The following ABCG2 variants were observed in gnomAD, a reference collection of about 807,000 sequenced individuals.
ABCG2 encodes ATP binding cassette subfamily G member 2 (JR blood group), also known as broad substrate specificity ATP-binding cassette transporter ABCG2.
Under a neutral mutation model 73.5 loss-of-function variants are expected in ABCG2, and 80 were observed. The observed-to-expected ratio is 1.09, with a 90% confidence interval of 0.91 to 1.31. ABCG2 has a LOEUF of 1.31. Ranked by LOEUF, ABCG2 falls within the 50% of genes most tolerant of loss-of-function variation. The pLI is 0.00. For missense variants in ABCG2, 796 were observed against 786.2 expected (o/e 1.01, Z -0.15); for synonymous variants, 269 against 282.4 (o/e 0.95, Z 0.48).
In ABCG2 at chr4:88,143,781, G is replaced by A. The variant is rs112597917; in HGVS notation, c.-19-3767C>T. On this transcript the variant is annotated intron_variant, in intron 1 of 15. Transcript: ENST00000237612. ...AAGGCACACCATCAAGCTGAAGCAC[G>A]TTACATCAAAAAGAAAGGAAAAAAA... Among the ~76,000 whole-genome samples, 243 of 149,430 alleles carry A rather than the reference G, an allele frequency of 1.6e-3. 1 individual carries two copies. Among genetic ancestry groups the A allele is most frequent in the Non-Finnish European group, 2.7e-3 (186 of 67,802 alleles).
intron 1 of ABCG2, among the ~76,000 whole-genome samples, chr4:88,193,210 T>A (rs1578268355): frequency 6.6e-6 from 1 of 152,270 alleles, no homozygotes; most frequent in East Asian, 1.9e-4. Context: ...TATCTCAGAA[T>A]AAATCTTCCT....
intron 1 of ABCG2, among the ~76,000 whole-genome samples, chr4:88,176,463 A>G (rs914673930): frequency 6.7e-6 from 1 of 148,486 alleles, no homozygotes; most frequent in East Asian, 2.0e-4. Flanking sequence ...ACAGTAATGA[A>G]ACCAAAGAGA....
At chr4:88,143,626 G>T (rs529191920) in intron 1 of ABCG2, among the ~76,000 whole-genome samples, 1 of 152,144 alleles carries the variant, frequency 6.6e-6, no homozygotes, top group African/African-American at 2.4e-5. Flanking sequence ...CCTGTGATAG[G>T]ATTAAATGTG....
At chr4:88,163,360 A>G (rs1727388502), upstream of ABCG2, among the ~76,000 whole-genome samples, 2 of 152,354 alleles carry the variant, frequency 1.3e-5, no homozygotes, top group South Asian at 4.1e-4. Context: ...GCTAGAGGCT[A>G]TCTTAGGGTT....
intron 1 of ABCG2, among the ~76,000 whole-genome samples, chr4:88,186,634 G>C (rs569544320): frequency 2.0e-5 from 3 of 152,030 alleles, no homozygotes; most frequent in Non-Finnish European, 4.4e-5. Flanking sequence ...AAATTTAGCC[G>C]GGCGGCCGGG....
At position 88,090,466 on chromosome 4, in the gene ABCG2, T is replaced by C. The variant is rs1002926942; in HGVS notation, c.*1768A>G. 6.6e-6 allele frequency: 1 copy of C among 152,212 alleles called. No homozygotes were observed. Among genetic ancestry groups the C allele is most frequent in the African/African-American group, 2.4e-5 (1 of 41,452 alleles). The allele number at this position is 152,212 out of a possible 1,614,324, so 9.4% of individuals were successfully genotyped here. ...AACAGGAAAAACTGATTAATCTTCC[T>C]GATCACATAACCAAGAAAAAAGATA... is the stretch of plus-strand genomic sequence containing the variant. On this transcript the variant is annotated 3_prime_UTR_variant, in exon 16 of 16. Transcript: ENST00000237612.
intron 10 of ABCG2, among the ~76,000 whole-genome samples, chr4:88,105,583 A>G (rs937200324): frequency 6.6e-6 from 1 of 152,218 alleles, no homozygotes; most frequent in African/African-American, 2.4e-5. Flanking sequence ...TGCTAACCAT[A>G]TAACAGGAAA....
Position 88,139,776 on chromosome 4 carries a change from C to G in ABCG2, c.203+17G>C, listed in dbSNP as rs1725494304. 1 of 1,603,850 alleles carries G rather than the reference C, an allele frequency of 6.2e-7. No individual in the cohort carries two copies. The highest frequency in any genetic ancestry group is 2.2e-5 in the East Asian group (1 of 44,762). The stretch of plus-strand genomic sequence containing the variant: ...GGTAAATTAAAAAGCTGTCTTTTTA[C>G]AAGTTCATGTACATACTTGATATTC... On this transcript the variant is annotated intron_variant, in intron 2 of 15. Transcript: ENST00000237612.
chr4:88,206,911 C>T (rs1481691217), intron 1 of ABCG2, among the ~76,000 whole-genome samples: 1 of 152,130 alleles, frequency 6.6e-6, no homozygotes, highest in African/African-American at 2.4e-5. Flanking sequence ...AAGTCCCCAC[C>T]CGACCCAGAA....
intron 9 of ABCG2, 75 bp from the exon 10 acceptor site, chr4:88,107,341 AG>A: frequency 1.5e-5 from 15 of 980,512 alleles, no homozygotes; most frequent in Non-Finnish European, 2.3e-5. Flanking sequence ...ACCATTTATT[AG>A]TATAATATAT....
At position 88,224,663 on chromosome 4, in the gene ABCG2, G is replaced by T. The variant is rs568942203; in HGVS notation, c.-20+6331C>A. Among the ~76,000 whole-genome samples, 5 of 152,132 alleles carry T rather than the reference G, an allele frequency of 3.3e-5. No individual in the cohort carries two copies. The East Asian group carries it at 5.8e-4, about 18-fold the overall frequency. On this transcript the variant is annotated intron_variant, in intron 1 of 15. Coordinates refer to the ABCG2 transcript ENST00000515655. The stretch of plus-strand genomic sequence containing the variant: ...CGCACCACCACACTGGGCCAAAAGT[G>T]TCCTCCTTTGATGCATAAAAGTTTT...
intron 6 of ABCG2, among the ~76,000 whole-genome samples, chr4:88,121,096 A>G (rs1453183019): frequency 6.6e-6 from 1 of 152,186 alleles, no homozygotes; most frequent in African/African-American, 2.4e-5. Flanking sequence ...TCTGCCTCAA[A>G]GAGGATCAGG....
intron 1 of ABCG2, among the ~76,000 whole-genome samples, chr4:88,212,124 C>A (rs1237021009): frequency 2.0e-5 from 3 of 152,098 alleles, no homozygotes; most frequent in Non-Finnish European, 4.4e-5. Flanking sequence ...TAGGTGAAAA[C>A]CAAAAGTAAT....
At chr4:88,208,959 A>G (rs1363285818) in intron 1 of ABCG2, among the ~76,000 whole-genome samples, 2 of 152,098 alleles carry the variant, frequency 1.3e-5, no homozygotes, top group South Asian at 4.1e-4. Flanking sequence ...GCGAGATCAC[A>G]CCACTGCACT....
intron 15 of ABCG2, among the ~76,000 whole-genome samples, 180 bp downstream of exon 15, chr4:88,094,397 T>C (rs527703512): frequency 7.2e-4 from 110 of 152,336 alleles, no homozygotes; most frequent in African/African-American, 2.6e-3. Context: ...AGCAGAATAC[T>C]GAGGGGTTGT....
upstream of ABCG2, among the ~76,000 whole-genome samples, chr4:88,164,160 G>A (rs780511880): frequency 5.3e-5 from 8 of 151,916 alleles, no homozygotes; most frequent in East Asian, 1.9e-4. Flanking sequence ...TCTGCCTTGC[G>A]GGTTCAAGCG....
At chr4:88,154,845 A>G (rs1426742755) in intron 1 of ABCG2, among the ~76,000 whole-genome samples, 1 of 152,216 alleles carries the variant, frequency 6.6e-6, no homozygotes, top group Non-Finnish European at 1.5e-5. Context: ...TGAGAGCTGT[A>G]GAGAGTGAGT....
At chr4:88,168,298 C>T (rs971560202) in intron 1 of ABCG2, among the ~76,000 whole-genome samples, 2 of 151,994 alleles carry the variant, frequency 1.3e-5, no homozygotes, top group African/African-American at 4.8e-5. Context: ...ACCATCCTGG[C>T]CAACATGGTG....
intron 1 of ABCG2, among the ~76,000 whole-genome samples, chr4:88,192,846 G>C (rs1250349988): frequency 6.6e-6 from 1 of 151,692 alleles, no homozygotes; most frequent in African/African-American, 2.4e-5. Context: ...CAAGTAGCTG[G>C]GATTACAAGC....
Sources: gnomAD v4.1 joint callset for allele counts (sites outside exome capture counted in the v4.1 genomes callset) on GRCh38, gnomAD v4.1.1 for gene constraint, MANE v1.5 for transcripts, NCBI Gene and HGNC (gene_info 2026-07-23, HGNC 2026-07-21) for gene names.